The following RNF144A variants were observed in gnomAD, a reference collection of about 807,000 sequenced individuals.
RNF144A encodes the protein ring finger protein 144A, also known as E3 ubiquitin-protein ligase RNF144A.
RNF144A carries 11 observed loss-of-function variants against 38.7 expected under a neutral mutation model. That is an observed-to-expected ratio of 0.28 (90% CI 0.18 to 0.47). The LOEUF is 0.47. RNF144A is among the 20% of genes least tolerant of loss of function. RNF144A has a pLI of 0.99. For missense variants in RNF144A, 316 were observed against 377.2 expected (o/e 0.84, Z 1.34); for synonymous variants, 149 against 143.9 (o/e 1.04, Z -0.25).
rs1241573427 is a variant in RNF144A at position 6,944,072 on chromosome 2, T to C, written c.-12+2925T>C. On this transcript the variant is annotated intron_variant, in intron 2 of 8. Coordinates refer to ENST00000320892, the MANE Select transcript of RNF144A (RefSeq NM_014746.6). This position sits in a 1 kb window ranked among gnomAD's most constrained non-coding sequence, Gnocchi z 4.7. ...GTGAAAGAATGGCTGGAATTGGTAT[T>C]GTGTGCCAGGGAGAGAGGATCCTAA... is the stretch of plus-strand genomic sequence containing the variant. Among the ~76,000 whole-genome samples the C allele has an allele frequency of 1.3e-5, 2 of 152,086 alleles. No homozygotes were observed. The highest frequency in any genetic ancestry group is 2.9e-5 in the Non-Finnish European group (2 of 67,998).
chr2:6,997,572 C>T (rs1041859694), intron 3 of RNF144A, among the ~76,000 whole-genome samples: 2 of 152,130 alleles, frequency 1.3e-5, no homozygotes, highest in African/African-American at 2.4e-5. Flanking sequence ...GATGATCCTT[C>T]GGGGCTTAAT....
intron 3 of RNF144A, among the ~76,000 whole-genome samples, chr2:7,005,381 C>A (rs1001587372): frequency 3.3e-5 from 5 of 152,144 alleles, no homozygotes; most frequent in Non-Finnish European, 5.9e-5. Flanking sequence ...TTCAGAGATG[C>A]GTGAATCCAG....
At chr2:6,969,644 A>G (rs1667875888) in intron 2 of RNF144A, among the ~76,000 whole-genome samples, 1 of 152,288 alleles carries the variant, frequency 6.6e-6, no homozygotes, top group Non-Finnish European at 1.5e-5. Flanking sequence ...ACTGCAGAGT[A>G]TGAAACGTTG....
chr2:7,067,354 C>G (rs1257617766), intron 6 of RNF144A, among the ~76,000 whole-genome samples: 1 of 152,150 alleles, frequency 6.6e-6, no homozygotes, highest in East Asian at 1.9e-4. Context: ...ATACAGACAT[C>G]AGAGAGATCA....
chr2:7,002,342 G>A (rs1254759830), intron 3 of RNF144A, among the ~76,000 whole-genome samples: 11 of 152,220 alleles, frequency 7.2e-5, no homozygotes. Context: ...CCCTTGCTCA[G>A]CATTAGATGC....
the RNF144A span, among the ~76,000 whole-genome samples, chr2:7,073,876 T>A: frequency 4.4e-4 from 67 of 152,362 alleles, no homozygotes; most frequent in African/African-American, 1.6e-3. Context: ...TGCAAGGGCA[T>A]AGGGGAGGCC....
intron 1 of RNF144A, among the ~76,000 whole-genome samples, chr2:6,921,909 A>T (rs967019396): frequency 5.9e-5 from 9 of 152,196 alleles, no homozygotes; most frequent in Non-Finnish European, 1.3e-4. Flanking sequence ...GGACCAGCAC[A>T]CAGGGCCGAG....
At chr2:6,990,385 T>TACAC (rs60196595) in intron 2 of RNF144A, among the ~76,000 whole-genome samples, 5,997 of 123,416 alleles carry the variant, frequency 0.049, 222 homozygotes, top group Non-Finnish European at 0.075. Context: ...TATATATATT[T>TACAC]ACACACACAC....
intron 7 of RNF144A, among the ~76,000 whole-genome samples, chr2:7,027,941 C>T (rs1031317748): frequency 7.0e-6 from 1 of 143,656 alleles, no homozygotes; most frequent in Admixed American, 7.5e-5. Flanking sequence ...TCAGCCACTC[C>T]GCTCCGTTGG....
At chr2:7,015,536 G>A (rs1403403023) in intron 5 of RNF144A, among the ~76,000 whole-genome samples, 1 of 152,190 alleles carries the variant, frequency 6.6e-6, no homozygotes, top group Non-Finnish European at 1.5e-5. Flanking sequence ...AGCAGAACAT[G>A]ATTCTCAGGA....
intron 2 of RNF144A, among the ~76,000 whole-genome samples, chr2:6,978,007 GT>G (rs1553336533): frequency 6.6e-6 from 1 of 152,126 alleles, no homozygotes; most frequent in Non-Finnish European, 1.5e-5. Context: ...AGTGTCCTTG[GT>G]GGGTATGTGG....
chr2:6,947,299 G>T (rs1039836199), intron 2 of RNF144A, among the ~76,000 whole-genome samples: 1 of 151,638 alleles, frequency 6.6e-6, no homozygotes, highest in African/African-American at 2.4e-5. Flanking sequence ...CATTACAATT[G>T]CAGTAATTTT....
In RNF144A at chr2:6,917,780, G is replaced by A. The variant is rs1406759194; in HGVS notation, c.-212+158G>A. Among the ~76,000 whole-genome samples, 1 of 150,038 alleles carries A rather than the reference G, an allele frequency of 6.7e-6. No individual in the cohort carries two copies. Among genetic ancestry groups the A allele is most frequent in the Middle Eastern group, 3.2e-3 (1 of 312 alleles). ...CCCCGGCGCCCGGTGGCAGCGGGCGGGGGGCAGCGTCCCGGGCGGGGACTC... is the reference window on the plus strand; with the variant it reads ...CCCCGGCGCCCGGTGGCAGCGGGCGAGGGGCAGCGTCCCGGGCGGGGACTC... On this transcript the variant is annotated intron_variant, in intron 1 of 8. Coordinates refer to ENST00000320892, the MANE Select transcript of RNF144A (RefSeq NM_014746.6). This position sits in a 1 kb window ranked among gnomAD's most constrained non-coding sequence, Gnocchi z 4.8.
intron 2 of RNF144A, among the ~76,000 whole-genome samples, chr2:6,987,643 G>C (rs1240500086): frequency 1.3e-5 from 2 of 152,202 alleles, no homozygotes; most frequent in African/African-American, 2.4e-5. Flanking sequence ...TGTAGGTGAA[G>C]GTAGAAAGTA....
At chr2:6,992,939 G>A (rs1558413402) in intron 2 of RNF144A, among the ~76,000 whole-genome samples, 1 of 152,224 alleles carries the variant, frequency 6.6e-6, no homozygotes, top group Admixed American at 6.5e-5. Context: ...TTGACCAGAT[G>A]TTCCTAAAAC....
intron 2 of RNF144A, among the ~76,000 whole-genome samples, chr2:6,976,371 G>T (rs544442517): frequency 6.6e-6 from 1 of 152,042 alleles, no homozygotes; most frequent in African/African-American, 2.4e-5. Flanking sequence ...TTTGAGGGCC[G>T]TTTTTCTTTT....
At chr2:7,072,395 C>A (rs1674516273), downstream of RNF144A, among the ~76,000 whole-genome samples, 1 of 152,210 alleles carries the variant, frequency 6.6e-6, no homozygotes, top group African/African-American at 2.4e-5. Flanking sequence ...GGCCTGGTTT[C>A]TCTTTGCTGC....
At chr2:7,005,012 T>C (rs1206105669) in intron 3 of RNF144A, among the ~76,000 whole-genome samples, 1 of 152,246 alleles carries the variant, frequency 6.6e-6, no homozygotes, top group African/African-American at 2.4e-5. Context: ...TTTTTACAAT[T>C]ATAACTGCTG....
At position 6,997,005 on chromosome 2, in the gene RNF144A, T is replaced by C; in HGVS notation, c.79T>C (p.Tyr27His). 3 of 1,614,068 alleles carry C rather than the reference T, an allele frequency of 1.9e-6. No homozygotes were observed. Among genetic ancestry groups the C allele is most frequent in the Non-Finnish European group, 2.5e-6 (3 of 1,179,956 alleles). Residue 27 changes from tyrosine to histidine, a missense_variant, in exon 3 of 9, where the codon TAC becomes CAC. By Grantham distance (83) the Tyr-to-His change is moderately conservative (BLOSUM62 2). Coordinates refer to ENST00000320892, the MANE Select transcript of RNF144A (RefSeq NM_014746.6). The part of the protein sequence containing the change: ...LVSCKLCLGE[Y>H]PVEQMTTIAQ... The stretch of plus-strand genomic sequence containing the variant: ...GTCTTGCAAGCTCTGTCTTGGGGAG[T>C]ACCCAGTGGAGCAGATGACAACCAT...
Sources: allele counts gnomAD v4.1 joint callset (sites outside exome capture counted in the v4.1 genomes callset), GRCh38; gene constraint gnomAD v4.1.1; non-coding constraint Gnocchi (gnomAD v3.1); transcripts MANE v1.5; gene names NCBI Gene and HGNC (gene_info 2026-07-23, HGNC 2026-07-21).